Variants in PHRF1 observed in about 807,000 individuals in gnomAD.
PHRF1 encodes the protein PHD and ring finger domains 1.
PHRF1 carries 53 observed loss-of-function variants against 128.9 expected under a neutral mutation model. The observed-to-expected ratio is 0.41, with a 90% CI of 0.33 to 0.52. The LOEUF (loss-of-function observed/expected upper bound fraction) is 0.52. Among genes scored for constraint, PHRF1 ranks in the 20% least tolerant of loss-of-function variants. The pLI, the probability that PHRF1 is intolerant of heterozygous loss-of-function variation, is 0.21. For synonymous variants in PHRF1, 1,178 were observed against 980.6 expected, an observed-to-expected ratio of 1.20 and a Z score of -3.76; for missense variants, 2,503 against 2,284.5, an observed-to-expected ratio of 1.10 and a Z score of -1.95.
Position 605,562 on chromosome 11 carries a change from C to T in PHRF1, c.1335-43C>T. 2.5e-6 allele frequency: 4 copies of T among 1,602,078 alleles called. No homozygotes were observed. In the South Asian group the frequency reaches 4.5e-5, roughly 18 times the overall value. The stretch of plus-strand genomic sequence containing the variant: ...CTCCCTGGGCTGGGGTTTCTGGGAG[C>T]TGGGAGTCACTTGTTCCCTTTGGCC... On this transcript the variant is annotated intron_variant, in intron 11 of 17. Transcript: ENST00000264555.
chr11:591,647 G>A (rs915054935), intron 5 of PHRF1, among the ~76,000 whole-genome samples, 180 bp downstream of exon 5: 4 of 152,192 alleles, frequency 2.6e-5, no homozygotes, highest in Non-Finnish European at 5.9e-5. Context: ...TGGGGTCTGG[G>A]TTGGGGGTTA....
Position 609,133 on chromosome 11 carries a change from C to A in PHRF1, c.3677C>A (p.Ala1226Glu), listed in dbSNP as rs1045317081. ...LPTRLPALGEAHVSPEVATAD... is the reference protein window; with the variant it reads ...LPTRLPALGEEHVSPEVATAD... ...ACCAGGTTGCCAGCCTTGGGGGAAG[C>A]ACATGTCTCGCCGGAGGTGGCTACG... Residue 1226 changes from alanine (A) to glutamate (E), a missense_variant, in exon 14 of 18, where the codon GCA becomes GAA. Coordinates refer to ENST00000264555, the MANE Select transcript of PHRF1 (RefSeq NM_001286581.2). 6.2e-7 allele frequency: 1 copy of A among 1,606,404 alleles called. No individual in the cohort carries two copies. Among genetic ancestry groups the A allele is most frequent in the South Asian group, 1.1e-5 (1 of 91,036 alleles).
At chr11:580,184 A>C (rs1219017113) in intron 1 of PHRF1, among the ~76,000 whole-genome samples, 54 of 152,190 alleles carry the variant, frequency 3.5e-4, no homozygotes, top group Non-Finnish European at 2.9e-5. Context: ...CTCTCCTAGG[A>C]CAGGCCTTTC....
At position 586,011 on chromosome 11, in the gene PHRF1, G is replaced by A. The variant is rs181245966; in HGVS notation, c.215-1248G>A. On this transcript the variant is annotated intron_variant, in intron 3 of 17. Coordinates refer to ENST00000264555, the MANE Select transcript of PHRF1 (RefSeq NM_001286581.2). ...CAAGTAGCTGGGATTACAGGCACAC[G>A]CCACCACACCCGGCTATTTTTGTAT... Among the ~76,000 whole-genome samples the A allele has an allele frequency of 2.6e-4, 39 of 151,998 alleles. 1 individual carries two copies. The highest frequency in any genetic ancestry group is 1.8e-3 in the Admixed American group (28 of 15,266).
intron 3 of PHRF1, among the ~76,000 whole-genome samples, chr11:586,351 C>T (rs1423954382): frequency 1.3e-5 from 2 of 152,238 alleles, no homozygotes; most frequent in Non-Finnish European, 2.9e-5. Context: ...TGCTGCCTCC[C>T]TCGCAGCTCT....
intron 3 of PHRF1, among the ~76,000 whole-genome samples, chr11:584,417 C>T (rs990511831): frequency 6.6e-5 from 10 of 152,180 alleles, no homozygotes; most frequent in African/African-American, 2.2e-4. Context: ...CACCTTCTAG[C>T]AGCAAACAGT....
Position 595,362 on chromosome 11 carries a change from CA to C in PHRF1, c.621-1560del, listed in dbSNP as rs532795753. 9.4e-3 allele frequency among the ~76,000 whole-genome samples: 1,431 copies of C among 152,300 alleles called. 18 individuals carry two copies. The highest frequency in any genetic ancestry group is 0.033 in the African/African-American group (1,358 of 41,562). ...CACTGACATTACATGAAATAAGATACAGTTTCTGATTTTTTTCTTTTTTAAG... is the reference window on the plus strand; with the variant it reads ...CACTGACATTACATGAAATAAGATACGTTTCTGATTTTTTTCTTTTTTAAG... On this transcript the variant is annotated intron_variant, in intron 6 of 17. Transcript: ENST00000264555.
intron 11 of PHRF1, 47 bp downstream of exon 11, chr11:605,347 TG>T: frequency 6.3e-7 from 1 of 1,596,546 alleles, no homozygotes; most frequent in Non-Finnish European, 8.6e-7. Context: ...CTCCTCTCCC[TG>T]GGGGCTGTGG....
In PHRF1 at chr11:606,447, G is replaced by A. The variant is rs770479135; in HGVS notation, c.1460G>A (p.Arg487His). The A allele has an allele frequency of 4.8e-5, 75 of 1,550,980 alleles. No individual in the cohort carries two copies. In the South Asian group the frequency reaches 7.2e-4, roughly 15 times the overall value. The change falls in exon 13 of 18, where the codon CGC becomes CAC. Residue 487 changes from arginine to histidine, a missense_variant. Transcript: ENST00000264555. Reference protein sequence around the residue: ...RPVSVGLSRRRLPAAVPEPDL... With the variant: ...RPVSVGLSRRHLPAAVPEPDL... ...CCTTGGGTCTGTGCCCACAGGAGGC[G>A]CCTCCCTGCCGCGGTGCCAGAGCCA...
chr11:587,363 A>G lies in PHRF1; in HGVS notation c.319A>G (p.Ser107Gly). 6.2e-7 allele frequency: 1 copy of G among 1,613,832 alleles called. No individual in the cohort carries two copies. The highest frequency in any genetic ancestry group is 8.5e-7 in the Non-Finnish European group (1 of 1,179,882). Reference sequence around the variant, plus strand: ...TTTCAATTCTGATGATGATGCAGAGAGCTGCCCAATCTGTCTCAACGCATT... The same window carrying G: ...TTTCAATTCTGATGATGATGCAGAGGGCTGCCCAATCTGTCTCAACGCATT... ...GSFNSDDDAE[S>G]CPICLNAFRD... Residue 107 changes from serine to glycine, a missense_variant, in exon 4 of 18, where the codon AGC (serine) becomes GGC (glycine). Transcript: ENST00000264555.
At chr11:590,100 G>GTC (rs1564845671) in intron 4 of PHRF1, among the ~76,000 whole-genome samples, 1 of 151,030 alleles carries the variant, frequency 6.6e-6, no homozygotes. Context: ...GCCTGAGAAT[G>GTC]TGTGCAAACG....
intron 14 of PHRF1, 33 bp downstream of exon 14, chr11:609,753 AG>A (rs1444423144): frequency 7.2e-7 from 1 of 1,388,316 alleles, no homozygotes; most frequent in East Asian, 2.5e-5. Flanking sequence ...CCGAGGACAG[AG>A]CCCCCAGTGA....
At chr11:585,713 C>T (rs1407946914) in intron 3 of PHRF1, among the ~76,000 whole-genome samples, 1 of 115,664 alleles carries the variant, frequency 8.6e-6, no homozygotes, top group African/African-American at 3.6e-5. Flanking sequence ...TCGAGTCTCG[C>T]TCTGTTGCCC....
At chr11:582,823 C>G (rs1398010321) in intron 3 of PHRF1, among the ~76,000 whole-genome samples, 6 of 151,182 alleles carry the variant, frequency 4.0e-5, no homozygotes, top group African/African-American at 1.2e-4. Flanking sequence ...CGCGCCCGGC[C>G]TTTTTTCAAG....
chr11:604,164 G>A (rs962023394), intron 10 of PHRF1, among the ~76,000 whole-genome samples: 2 of 152,232 alleles, frequency 1.3e-5, no homozygotes, highest in African/African-American at 4.8e-5. Flanking sequence ...TTTGCGGGGT[G>A]CCCTGAGCCT....
chr11:599,256 T>A (rs1430683184), intron 9 of PHRF1, among the ~76,000 whole-genome samples: 24 of 142,398 alleles, frequency 1.7e-4, no homozygotes, highest in Middle Eastern at 7.1e-3. Context: ...TTCTTTTCTT[T>A]TTTTTTTTTT....
chr11:598,140 C>T (rs1005871765), intron 8 of PHRF1, among the ~76,000 whole-genome samples: 2 of 152,216 alleles, frequency 1.3e-5, no homozygotes, highest in East Asian at 1.9e-4. Flanking sequence ...GGTGCCCTCT[C>T]GTGTGCCCCT....
intron 15 of PHRF1, 62 bp from the exon 16 acceptor site, chr11:610,439 A>T: frequency 6.4e-7 from 1 of 1,559,384 alleles, no homozygotes; most frequent in Non-Finnish European, 8.7e-7. Flanking sequence ...GAGGCCTCAC[A>T]GCTCCTGGGC....
chr11:606,614 C>A lies in PHRF1; in HGVS notation c.1609+18C>A. 1 of 1,585,618 alleles carries A rather than the reference C, an allele frequency of 6.3e-7. No individual in the cohort carries two copies. The highest frequency in any genetic ancestry group is 8.6e-7 in the Non-Finnish European group (1 of 1,163,880). On this transcript the variant is annotated intron_variant, in intron 13 of 17. Coordinates refer to ENST00000264555, the MANE Select transcript of PHRF1 (RefSeq NM_001286581.2). The stretch of plus-strand genomic sequence containing the variant: ...GAGGGCGGGTGAGTGCCTTCCCTGC[C>A]ACGGCCCCTTCCTCTGTGGGCTGCT...
Sources: gnomAD v4.1 joint callset for allele counts (sites outside exome capture counted in the v4.1 genomes callset) on GRCh38, gnomAD v4.1.1 for gene constraint, MANE v1.5 for transcripts, NCBI Gene and HGNC (gene_info 2026-07-23, HGNC 2026-07-21) for gene names.